Variants in TYW3 observed in about 807,000 individuals in gnomAD.
The protein encoded by TYW3 is tRNA wybutosine-synthesizing protein 3 homolog.
In TYW3, 26 loss-of-function variants were observed where a neutral mutation model predicts 23.1. That is an observed-to-expected ratio of 1.13 (90% CI 0.83 to 1.56). The LOEUF is 1.56. TYW3 is among the 40% of genes most tolerant of loss of function. The probability of loss-of-function intolerance (pLI) is 0.00; values close to 1 mark genes in which losing one functional copy is unlikely to be tolerated. For synonymous variants in TYW3, 102 were observed against 105.7 expected, an observed-to-expected ratio of 0.97 and a Z score of 0.21; for missense variants, 316 against 311.9, an observed-to-expected ratio of 1.01 and a Z score of -0.10.
chr1:74,745,173 G>A (rs757946859), intron 3 of TYW3, among the ~76,000 whole-genome samples: 17 of 152,164 alleles, frequency 1.1e-4, no homozygotes, highest in Non-Finnish European at 2.1e-4. Flanking sequence ...TCAGACCTCC[G>A]CAGTGAGTGT....
intron 1 of TYW3, among the ~76,000 whole-genome samples, chr1:74,735,382 C>T (rs1402633233): frequency 6.6e-6 from 1 of 151,946 alleles, no homozygotes; most frequent in Non-Finnish European, 1.5e-5. Flanking sequence ...AGACATGATT[C>T]CCAAAACTCC....
chr1:74,742,376 T>C (rs1223204170), intron 3 of TYW3, among the ~76,000 whole-genome samples: 1 of 152,212 alleles, frequency 6.6e-6, no homozygotes, highest in Non-Finnish European at 1.5e-5. Flanking sequence ...TATTTTCCAC[T>C]GGCTGGCTTT....
At chr1:74,749,176 T>G (rs1648691505) in intron 4 of TYW3, among the ~76,000 whole-genome samples, 1 of 152,200 alleles carries the variant, frequency 6.6e-6, no homozygotes, top group African/African-American at 2.4e-5. Flanking sequence ...TGTGTGAATT[T>G]GGGCAAGCTC....
chr1:74,741,347 C>G (rs1052443993), intron 3 of TYW3, among the ~76,000 whole-genome samples: 1 of 152,076 alleles, frequency 6.6e-6, no homozygotes, highest in African/African-American at 2.4e-5. Context: ...CAATGGTTCG[C>G]AGGTGTATCG....
chr1:74,753,020 C>T (rs4145871), intron 5 of TYW3, among the ~76,000 whole-genome samples: 98,364 of 152,028 alleles, frequency 0.65, 32,395 homozygotes, highest in East Asian at 0.78. Context: ...AAGGAAACTT[C>T]TATATTATTT....
chr1:74,749,292 T>C (rs1275596712), intron 4 of TYW3, among the ~76,000 whole-genome samples: 1 of 152,220 alleles, frequency 6.6e-6, no homozygotes, highest in African/African-American at 2.4e-5. Context: ...ACTATACTCA[T>C]TTGATTACTT....
At position 74,752,354 on chromosome 1, in the gene TYW3, A is replaced by G; in HGVS notation, c.489A>G (p.Thr163=). ...PLSHKGKLMV[T]EEYIDFLLNV... ...GCCATAAGGGAAAACTGATGGTGAC[A>G]GAGGAATATATTGACTTCCTGTTAA... The change falls in exon 5 of 6, where the codon ACA becomes ACG. Residue 163 remains threonine, a synonymous_variant. Transcript: ENST00000370867. 6.2e-7 allele frequency: 1 copy of G among 1,613,708 alleles called. No individual in the cohort carries two copies. The highest frequency in any genetic ancestry group is 8.5e-7 in the Non-Finnish European group (1 of 1,179,790).
intron 3 of TYW3, among the ~76,000 whole-genome samples, chr1:74,748,317 G>A (rs923828535): frequency 6.6e-6 from 1 of 152,194 alleles, no homozygotes; most frequent in East Asian, 1.9e-4. Flanking sequence ...ATCAGAATTT[G>A]TGTGCTTGCT....
At chr1:74,734,562 TG>T (rs1648069795) in intron 1 of TYW3, among the ~76,000 whole-genome samples, 1 of 152,142 alleles carries the variant, frequency 6.6e-6, no homozygotes, top group Admixed American at 6.5e-5. Flanking sequence ...GAATGAATCT[TG>T]TCAGTGAAAT....
At chr1:74,757,292 A>G (rs1284614323) in intron 5 of TYW3, among the ~76,000 whole-genome samples, 1 of 152,182 alleles carries the variant, frequency 6.6e-6, no homozygotes, top group Admixed American at 6.5e-5. Context: ...TGGAAAAGCC[A>G]CAGACACTCA....
chr1:74,765,183 CTT>C lies in TYW3; in HGVS notation c.*1071_*1072del, dbSNP rs1380814745. 1 of 152,118 alleles carries C rather than the reference CTT, an allele frequency of 6.6e-6. No individual in the cohort carries two copies. Among genetic ancestry groups the C allele is most frequent in the East Asian group, 1.9e-4 (1 of 5,184 alleles). The allele number at this position is 152,118 out of a possible 1,614,324, so 9.4% of individuals were successfully genotyped here. ...ACTTTTAGAACCCACTGATAACAGACTTATTCCTGGAGACAGCATTTGAGGAG... is the reference window on the plus strand; with the variant it reads ...ACTTTTAGAACCCACTGATAACAGACATTCCTGGAGACAGCATTTGAGGAG... On this transcript the variant is annotated 3_prime_UTR_variant, in exon 6 of 6. Coordinates refer to ENST00000370867, the MANE Select transcript of TYW3 (RefSeq NM_138467.3).
At chr1:74,748,033 A>G (rs1326117148) in intron 3 of TYW3, among the ~76,000 whole-genome samples, 1 of 152,134 alleles carries the variant, frequency 6.6e-6, no homozygotes, top group East Asian at 1.9e-4. Context: ...TTCAGGTCAA[A>G]TAATTATTTG....
intron 5 of TYW3, among the ~76,000 whole-genome samples, chr1:74,760,128 A>T (rs1649092823): frequency 6.6e-6 from 1 of 152,222 alleles, no homozygotes; most frequent in African/African-American, 2.4e-5. Flanking sequence ...AAGAGAAAAT[A>T]TATTTATTAT....
chr1:74,749,388 ACTAT>A (rs922799573), intron 4 of TYW3, among the ~76,000 whole-genome samples: 7 of 152,204 alleles, frequency 4.6e-5, no homozygotes, highest in South Asian at 2.1e-4. Context: ...AAAAATGTTT[ACTAT>A]CTATCCTTTT....
intron 1 of TYW3, among the ~76,000 whole-genome samples, chr1:74,733,875 T>A (rs1648020603): frequency 6.6e-6 from 1 of 152,212 alleles, no homozygotes; most frequent in South Asian, 2.1e-4. Flanking sequence ...ATCACCAGTG[T>A]TAAGGAGTTT....
At chr1:74,757,913 T>A (rs1311091698) in intron 5 of TYW3, among the ~76,000 whole-genome samples, 1 of 152,230 alleles carries the variant, frequency 6.6e-6, no homozygotes, top group Non-Finnish European at 1.5e-5. Context: ...CCTTCCACCA[T>A]GACCATGAGG....
At chr1:74,748,277 C>T (rs538607106) in intron 3 of TYW3, among the ~76,000 whole-genome samples, 2 of 152,176 alleles carry the variant, frequency 1.3e-5, no homozygotes, top group South Asian at 4.1e-4. Context: ...TAGAGACTGA[C>T]AAAATAACTT....
chr1:74,739,306 CTG>C (rs1319969566), intron 3 of TYW3, among the ~76,000 whole-genome samples: 3 of 152,146 alleles, frequency 2.0e-5, no homozygotes, highest in Admixed American at 2.0e-4. Context: ...AGATTAAAGA[CTG>C]TCTTGGTTCC....
chr1:74,759,537 G>T (rs1397145889), intron 5 of TYW3, among the ~76,000 whole-genome samples: 1 of 151,836 alleles, frequency 6.6e-6, no homozygotes, highest in Non-Finnish European at 1.5e-5. Flanking sequence ...TTCTAAAAAT[G>T]GGTCTAAAAC....
Sources: gnomAD v4.1 joint callset for allele counts (sites outside exome capture counted in the v4.1 genomes callset) on GRCh38, gnomAD v4.1.1 for gene constraint, MANE v1.5 for transcripts, NCBI Gene and HGNC (gene_info 2026-07-23, HGNC 2026-07-21) for gene names.